ATG2B: variants seen among roughly 807,000 people sequenced by gnomAD.
The protein encoded by ATG2B is autophagy-related protein 2 homolog B.
A neutral mutation model predicts 241.3 loss-of-function variants in ATG2B; 121 were observed. That is an observed-to-expected ratio of 0.50 (90% CI 0.43 to 0.58). The LOEUF (loss-of-function observed/expected upper bound fraction) is 0.58. Ranked by LOEUF, ATG2B falls within the 20% of genes least tolerant of loss-of-function variation. ATG2B has a pLI of 0.00. For missense variants in ATG2B, 2,306 were observed against 2,491.6 expected, an observed-to-expected ratio of 0.93 and a Z score of 1.59; for synonymous variants, 858 against 876.6, an observed-to-expected ratio of 0.98 and a Z score of 0.37.
rs1420713426 is a variant in ATG2B, at chr14:96,281,859, C to T, written c.*3896G>A. The T allele has an allele frequency of 6.6e-6, 1 of 152,214 alleles. No individual in the cohort carries two copies. The highest frequency in any genetic ancestry group is 1.5e-5 in the Non-Finnish European group (1 of 68,044). The allele number at this position is 152,214 out of a possible 1,614,324, so 9.4% of individuals were successfully genotyped here. ...CACCTACGTTTACCAAAAAAGCTGA[C>T]ATCTCAAACTCTGAGTTGTTGAGAC... On this transcript the variant is annotated 3_prime_UTR_variant, in exon 42 of 42. Coordinates refer to ENST00000359933, the MANE Select transcript of ATG2B (RefSeq NM_018036.7).
intron 1 of ATG2B, among the ~76,000 whole-genome samples, chr14:96,356,333 T>C (rs1888475190): frequency 6.6e-6 from 1 of 152,148 alleles, no homozygotes; most frequent in Admixed American, 6.5e-5. Flanking sequence ...ACTTTACAAA[T>C]ATGGCAATTG....
At chr14:96,295,240 C>T in intron 35 of ATG2B, 73 bp from the exon 36 acceptor site, 1 of 1,327,384 alleles carries the variant, frequency 7.5e-7, no homozygotes, top group Non-Finnish European at 1.1e-6. Context: ...CAATCTTGAT[C>T]TAATTTGTTT....
intron 21 of ATG2B, among the ~76,000 whole-genome samples, 160 bp downstream of exon 21, chr14:96,316,373 T>G (rs1887313375): frequency 6.6e-6 from 1 of 152,186 alleles, no homozygotes. Context: ...GAACCTGAAG[T>G]TGACTTCTAA....
intron 1 of ATG2B, among the ~76,000 whole-genome samples, chr14:96,352,281 C>T (rs1182216532): frequency 1.3e-5 from 2 of 152,130 alleles, no homozygotes. Context: ...ATACACAGTA[C>T]ATAATACTCG....
chr14:96,294,021 T>C (rs533435167), intron 36 of ATG2B, among the ~76,000 whole-genome samples: 1 of 152,368 alleles, frequency 6.6e-6, no homozygotes, highest in South Asian at 2.1e-4. Context: ...AGGTCCTTCT[T>C]TGGCGGTGGA....
intron 16 of ATG2B, 115 bp from the exon 17 acceptor site, chr14:96,322,850 C>T: frequency 1.2e-6 from 1 of 859,044 alleles, no homozygotes; most frequent in East Asian, 2.7e-5. Context: ...TAGAATTAAA[C>T]TTCTCTACAA....
chr14:96,291,500 G>A (rs1886482117), intron 38 of ATG2B, 100 bp downstream of exon 38: 2 of 761,240 alleles, frequency 2.6e-6, no homozygotes, highest in Admixed American at 2.4e-5. Flanking sequence ...ATAAAATACT[G>A]TAAAATTGTG....
At chr14:96,302,870 G>A (rs895494523) in intron 33 of ATG2B, among the ~76,000 whole-genome samples, 191 bp downstream of exon 33, 6 of 152,088 alleles carry the variant, frequency 3.9e-5, no homozygotes, top group African/African-American at 1.4e-4. Flanking sequence ...TAGAGTTAAT[G>A]GACCCTAGAA....
chr14:96,316,336 T>C (rs532264727), intron 21 of ATG2B, among the ~76,000 whole-genome samples, 197 bp downstream of exon 21: 97 of 152,330 alleles, frequency 6.4e-4, no homozygotes, highest in African/African-American at 2.2e-3. Context: ...GTGTGAATTA[T>C]ACCTCAACAA....
chr14:96,338,768 A>G (rs1887932701), intron 6 of ATG2B, among the ~76,000 whole-genome samples: 1 of 152,156 alleles, frequency 6.6e-6, no homozygotes, highest in South Asian at 2.1e-4. Context: ...GAATGCAACA[A>G]AAACAAAAAT....
chr14:96,301,500 T>A (rs1886789803), intron 34 of ATG2B, among the ~76,000 whole-genome samples: 1 of 152,222 alleles, frequency 6.6e-6, no homozygotes. Flanking sequence ...TTTGATGGGA[T>A]GCCTGCTAGA....
At chr14:96,287,361 A>G (rs957982056) in intron 41 of ATG2B, among the ~76,000 whole-genome samples, 2 of 152,268 alleles carry the variant, frequency 1.3e-5, no homozygotes, top group African/African-American at 4.8e-5. Flanking sequence ...CATGAGCACA[A>G]CAATGTTTAC....
intron 18 of ATG2B, among the ~76,000 whole-genome samples, chr14:96,320,352 A>G (rs1355614706): frequency 1.3e-5 from 2 of 152,108 alleles, no homozygotes; most frequent in African/African-American, 4.8e-5. Context: ...ATTAATGCAG[A>G]CTGGGGTAAA....
At chr14:96,298,961 T>A (rs1175263168) in intron 34 of ATG2B, among the ~76,000 whole-genome samples, 1 of 152,218 alleles carries the variant, frequency 6.6e-6, no homozygotes, top group Admixed American at 6.5e-5. Context: ...AAACTTTGAC[T>A]GTAAAATGTC....
intron 29 of ATG2B, among the ~76,000 whole-genome samples, chr14:96,308,266 ATATATATATATATATATTTTTTTTTT>A (rs1887042610): frequency 6.4e-5 from 1 of 15,538 alleles, no homozygotes; most frequent in African/African-American, 2.6e-4. Flanking sequence ...ACATATATAT[ATATATATATATATATATTTTTTTTTT>A]TTTTTTTTTT....
chr14:96,305,142 C>A (rs1001100341), intron 31 of ATG2B, among the ~76,000 whole-genome samples: 1 of 152,142 alleles, frequency 6.6e-6, no homozygotes, highest in Non-Finnish European at 1.5e-5. Flanking sequence ...ATTCTCCCAG[C>A]GACCGGCACA....
chr14:96,332,511 C>T lies in ATG2B; in HGVS notation c.1352G>A (p.Ser451Asn). 1 of 1,610,020 alleles carries T rather than the reference C, an allele frequency of 6.2e-7. No homozygotes were observed. The highest frequency in any genetic ancestry group is 8.5e-7 in the Non-Finnish European group (1 of 1,178,480). The stretch of plus-strand genomic sequence containing the variant: ...TAAGTAATACTTTACCACAGTAGCA[C>T]TTAATGGAGATCCTGCTGGGGTATT... ...YTNTPAGSPL[S>N]ATVLQPTWGE... Residue 451 changes from serine (S) to asparagine (N), a missense_variant, in exon 9 of 42, where the codon AGT (serine) becomes AAT (asparagine). Physicochemically the swap from Ser to Asn is conservative, Grantham distance 46. Transcript: ENST00000359933.
At position 96,290,116 on chromosome 14, in the gene ATG2B, T is replaced by C; in HGVS notation, c.5857-311A>G. On this transcript the variant is annotated intron_variant, in intron 40 of 41. Coordinates refer to ENST00000359933, the MANE Select transcript of ATG2B (RefSeq NM_018036.7). The surrounding 1 kb of genome is among the most constrained non-coding windows in gnomAD (Gnocchi z 4.4). Reference sequence around the variant, plus strand: ...ACTTACTAGAATGATCTTTAATACTTCTGTTTAATCTACAACGCCTTCTTC... The same window carrying C: ...ACTTACTAGAATGATCTTTAATACTCCTGTTTAATCTACAACGCCTTCTTC... 6.5e-6 allele frequency: 8 copies of C among 1,236,910 alleles called. No individual in the cohort carries two copies. In the South Asian group the frequency reaches 1.1e-4, roughly 17 times the overall value. 76.6% of individuals were successfully genotyped at this position (1,236,910 alleles called of 1,614,324 possible).
In ATG2B at chr14:96,290,397, G is replaced by T; in HGVS notation, c.5856+39C>A. ...CAAAAGGACCCAACCATTTCACAAT[G>T]GCTCTTTTTGGATAGACTAAGGCAG... On this transcript the variant is annotated intron_variant, in intron 40 of 41. Transcript: ENST00000359933. The surrounding 1 kb of genome is among the most constrained non-coding windows in gnomAD (Gnocchi z 4.4). 6.3e-7 allele frequency: 1 copy of T among 1,587,732 alleles called. No individual in the cohort carries two copies. The highest frequency in any genetic ancestry group is 1.7e-4 in the Middle Eastern group (1 of 5,880).
Sources: allele counts gnomAD v4.1 joint callset (sites outside exome capture counted in the v4.1 genomes callset), GRCh38; gene constraint gnomAD v4.1.1; non-coding constraint Gnocchi (gnomAD v3.1); transcripts MANE v1.5; gene names NCBI Gene and HGNC (gene_info 2026-07-23, HGNC 2026-07-21).